CEP83: variants seen among roughly 807,000 people sequenced by gnomAD.
The protein encoded by CEP83 is centrosomal protein of 83 kDa.
CEP83 carries 70 observed loss-of-function variants against 101.9 expected under a neutral mutation model. The ratio of observed to expected loss-of-function variants is 0.69; its 90% confidence interval spans 0.57 to 0.84. The LOEUF is 0.84. Ranked by LOEUF, CEP83 falls within the 40% of genes least tolerant of loss-of-function variation. CEP83 has a pLI of 0.00. For synonymous variants in CEP83, 264 were observed against 267.9 expected (o/e 0.99, Z 0.14); for missense variants, 715 against 787.2 (o/e 0.91, Z 1.10).
intron 14 of CEP83, among the ~76,000 whole-genome samples, chr12:94,328,586 C>A (rs1340425440): frequency 2.6e-5 from 4 of 152,160 alleles, no homozygotes; most frequent in Non-Finnish European, 4.4e-5. Context: ...AAGTCTGTTG[C>A]ACTCTTATGA....
intron 8 of CEP83, among the ~76,000 whole-genome samples, chr12:94,373,937 T>C (rs2061412162): frequency 2.0e-5 from 3 of 152,224 alleles, no homozygotes; most frequent in African/African-American, 4.8e-5. Context: ...AATCTTTACA[T>C]ACAAGACTTC....
At chr12:94,321,737 G>A (rs183204794) in intron 14 of CEP83, among the ~76,000 whole-genome samples, 44 of 152,268 alleles carry the variant, frequency 2.9e-4, no homozygotes, top group African/African-American at 1.1e-3. Flanking sequence ...AGGGCTACAA[G>A]ACAGCAAAGA....
At chr12:94,423,896 G>T (rs905456957) in intron 2 of CEP83, 1 of 1,610,992 alleles carries the variant, frequency 6.2e-7, no homozygotes, top group African/African-American at 1.3e-5. Flanking sequence ...AGCTGCAGCC[G>T]TCAGCATATA....
chr12:94,444,956 C>T (rs897082249), intron 1 of CEP83, among the ~76,000 whole-genome samples: 1 of 151,900 alleles, frequency 6.6e-6, no homozygotes, highest in African/African-American at 2.4e-5. Context: ...ATTCAAAATA[C>T]CAAGTTTTCA....
At chr12:94,266,329 C>T in the CEP83 span, among the ~76,000 whole-genome samples, 2 of 152,196 alleles carry the variant, frequency 1.3e-5, no homozygotes, top group African/African-American at 2.4e-5. Flanking sequence ...AGCTGCCATC[C>T]GAGAGCGGGA....
At chr12:94,444,729 G>C (rs1399928922) in intron 1 of CEP83, among the ~76,000 whole-genome samples, 1 of 152,050 alleles carries the variant, frequency 6.6e-6, no homozygotes, top group Non-Finnish European at 1.5e-5. Context: ...CAGGTGTGGT[G>C]GCTCATGCCC....
At chr12:94,329,345 C>T (rs1197830286) in intron 14 of CEP83, among the ~76,000 whole-genome samples, 1 of 152,062 alleles carries the variant, frequency 6.6e-6, no homozygotes, top group Non-Finnish European at 1.5e-5. Flanking sequence ...CAGCTCTTTG[C>T]AATCTTGAAC....
At chr12:94,325,138 C>A (rs2058917565) in intron 14 of CEP83, among the ~76,000 whole-genome samples, 1 of 151,984 alleles carries the variant, frequency 6.6e-6, no homozygotes, top group Non-Finnish European at 1.5e-5. Context: ...TGACCACCTA[C>A]ATAAAACAGC....
intron 6 of CEP83, among the ~76,000 whole-genome samples, chr12:94,383,286 C>T (rs898347644): frequency 1.3e-5 from 2 of 152,042 alleles, no homozygotes; most frequent in Non-Finnish European, 2.9e-5. Flanking sequence ...TTATAGACAT[C>T]ATACAGTTAC....
At chr12:94,448,894 G>T (rs2067003655) in intron 1 of CEP83, among the ~76,000 whole-genome samples, 1 of 151,576 alleles carries the variant, frequency 6.6e-6, no homozygotes, top group African/African-American at 2.4e-5. Flanking sequence ...GGAGCAGAGG[G>T]GATATTAAAC....
intron 2 of CEP83, chr12:94,424,160 G>T (rs2065003531): frequency 6.2e-7 from 1 of 1,603,370 alleles, no homozygotes; most frequent in African/African-American, 1.3e-5. Flanking sequence ...CATCCTGTTG[G>T]GGGTGATGTT....
At chr12:94,318,603 A>G (rs1229573696) in intron 14 of CEP83, among the ~76,000 whole-genome samples, 2 of 152,108 alleles carry the variant, frequency 1.3e-5, no homozygotes, top group African/African-American at 2.4e-5. Context: ...TACTTAGTTT[A>G]TTGAGTTTTT....
At chr12:94,312,720 G>C in intron 15 of CEP83, 194 bp downstream of exon 15, 8 of 985,338 alleles carry the variant, frequency 8.1e-6, no homozygotes, top group Non-Finnish European at 9.6e-6. Flanking sequence ...CCTGGTATGT[G>C]ACAGAGACCT....
At chr12:94,387,314 A>G (rs1194858501) in intron 6 of CEP83, among the ~76,000 whole-genome samples, 1 of 152,188 alleles carries the variant, frequency 6.6e-6, no homozygotes, top group Admixed American at 6.5e-5. Context: ...CTGTCAGATC[A>G]GTGGGAGCAT....
the CEP83 span, among the ~76,000 whole-genome samples, chr12:94,276,152 A>G: frequency 1.3e-5 from 2 of 152,232 alleles, no homozygotes; most frequent in Admixed American, 6.5e-5. Context: ...AGGTAGTAAT[A>G]GAATGCTGTT....
intron 14 of CEP83, among the ~76,000 whole-genome samples, chr12:94,323,013 C>T (rs2058813663): frequency 6.6e-6 from 1 of 152,172 alleles, no homozygotes; most frequent in Non-Finnish European, 1.5e-5. Flanking sequence ...ATAGCTAAGG[C>T]TACAAAACAG....
chr12:94,276,445 G>A, the CEP83 span, among the ~76,000 whole-genome samples: 2 of 151,752 alleles, frequency 1.3e-5, no homozygotes. Context: ...TGGAGGGTCA[G>A]GAGGGCTCCT....
At chr12:94,377,032 C>T (rs149846658) in intron 7 of CEP83, among the ~76,000 whole-genome samples, 5 of 152,228 alleles carry the variant, frequency 3.3e-5, no homozygotes, top group Admixed American at 6.5e-5. Flanking sequence ...TAAGCGACCA[C>T]ACCTGACCTC....
downstream of CEP83, among the ~76,000 whole-genome samples, chr12:94,301,976 ATCCCTTCATCCCG>A (rs1384940043): frequency 1.3e-5 from 2 of 151,858 alleles, no homozygotes; most frequent in Non-Finnish European, 2.9e-5. Flanking sequence ...ACTTAGCCTT[ATCCCTTCATCCCG>A]TCCCTACTGG....
Sources: allele counts gnomAD v4.1 joint callset (sites outside exome capture counted in the v4.1 genomes callset), GRCh38; gene constraint gnomAD v4.1.1; transcripts MANE v1.5; gene names NCBI Gene and HGNC (gene_info 2026-07-23, HGNC 2026-07-21).